Variants in SLCO3A1 observed in about 807,000 individuals in gnomAD.
SLCO3A1 encodes solute carrier organic anion transporter family member 3A1.
In SLCO3A1, 27 loss-of-function variants were observed where a neutral mutation model predicts 63.1. That is an observed-to-expected ratio of 0.43 (90% CI 0.32 to 0.59). The LOEUF is 0.59. Ranked by LOEUF, SLCO3A1 falls within the 20% of genes least tolerant of loss-of-function variation. The pLI is 0.09. For missense variants in SLCO3A1, 773 were observed against 945.8 expected (o/e 0.82, Z 2.40); for synonymous variants, 473 against 409.9 (o/e 1.15, Z -1.86).
At chr15:91,956,999 ATT>A (rs1491351036) in intron 2 of SLCO3A1, among the ~76,000 whole-genome samples, 1 of 27,066 alleles carries the variant, frequency 3.7e-5, no homozygotes, top group Non-Finnish European at 5.7e-5. Context: ...TATAGTATAT[ATT>A]ATATATATAA....
At chr15:91,982,936 C>G (rs1049365683) in intron 2 of SLCO3A1, among the ~76,000 whole-genome samples, 8 of 152,208 alleles carry the variant, frequency 5.3e-5, no homozygotes, top group African/African-American at 1.9e-4. Context: ...TCACCTCCAC[C>G]CCAAACTCCC....
chr15:91,947,367 A>G (rs1597146811), intron 2 of SLCO3A1, among the ~76,000 whole-genome samples: 1 of 152,178 alleles, frequency 6.6e-6, no homozygotes, highest in African/African-American at 2.4e-5. Flanking sequence ...CCTTTCCCGA[A>G]CAAGCTCCCG....
intron 4 of SLCO3A1, among the ~76,000 whole-genome samples, chr15:92,112,026 A>G (rs1203772923): frequency 6.6e-6 from 1 of 152,250 alleles, no homozygotes; most frequent in Non-Finnish European, 1.5e-5. Context: ...AATACAGAGT[A>G]GAAAGTGGAA....
In SLCO3A1 at chr15:92,143,451, A is replaced by AAATATATATAT. The variant is rs1166634958; in HGVS notation, c.1513-3533_1513-3532insAATATATATAT. 3.7e-3 allele frequency among the ~76,000 whole-genome samples: 8 copies of AAATATATATAT among 2,152 alleles called. No individual in the cohort carries two copies. In the African/African-American group the frequency reaches 0.047, roughly 13 times the overall value. 1.4% of individuals were successfully genotyped at this position (2,152 alleles called of 152,430 possible). On this transcript the variant is annotated intron_variant, in intron 7 of 9. Coordinates refer to ENST00000318445, the MANE Select transcript of SLCO3A1 (RefSeq NM_013272.4). ...ATATAATATATATAATATATATATA[A>AAATATATATAT]TATATATAATATATATAAATATATA... is the stretch of plus-strand genomic sequence containing the variant.
intron 1 of SLCO3A1, among the ~76,000 whole-genome samples, chr15:91,871,009 T>C (rs1897267372): frequency 6.6e-6 from 1 of 152,190 alleles, no homozygotes; most frequent in Non-Finnish European, 1.5e-5. Context: ...TTATTTTGAG[T>C]TCTTTGTCTT....
chr15:92,148,505 T>A lies in SLCO3A1; in HGVS notation c.1688+1346T>A, dbSNP rs114869282. ...AGGGTATAATAGCAAATTACCATTTTATACTTACTAAGTTTGAAAAATAAA... is the reference window on the plus strand; with the variant it reads ...AGGGTATAATAGCAAATTACCATTTAATACTTACTAAGTTTGAAAAATAAA... On this transcript the variant is annotated intron_variant, in intron 8 of 9. Transcript: ENST00000318445. Among the ~76,000 whole-genome samples the A allele has an allele frequency of 3.8e-3, 579 of 152,352 alleles. 3 individuals carry two copies. Among genetic ancestry groups the A allele is most frequent in the African/African-American group, 0.013 (539 of 41,576 alleles).
intron 1 of SLCO3A1, among the ~76,000 whole-genome samples, chr15:91,893,882 C>T (rs1897936946): frequency 6.6e-6 from 1 of 152,190 alleles, no homozygotes; most frequent in African/African-American, 2.4e-5. Context: ...TTTCAAAGAA[C>T]TTGTACGCAG....
chr15:92,168,111 C>A (rs1320322688), downstream of SLCO3A1, among the ~76,000 whole-genome samples: 1 of 152,180 alleles, frequency 6.6e-6, no homozygotes, highest in Non-Finnish European at 1.5e-5. Flanking sequence ...CTGGACAGAT[C>A]TGAACACAAA....
At chr15:91,988,894 C>T (rs909029471) in intron 2 of SLCO3A1, among the ~76,000 whole-genome samples, 2 of 152,178 alleles carry the variant, frequency 1.3e-5, no homozygotes, top group Non-Finnish European at 2.9e-5. Flanking sequence ...ACAGTCCAAT[C>T]ATGGCTGCAA....
rs1423026914 is a variant in SLCO3A1, at chr15:91,946,957, A to G, written c.646+30499A>G. Among the ~76,000 whole-genome samples the G allele has an allele frequency of 6.6e-5, 10 of 152,344 alleles. No individual in the cohort carries two copies. The East Asian group carries it at 1.9e-3, about 29-fold the overall frequency. ...AAGAAGTTTATAATCAAATGTGTCCATGAGTCCAAGACAGGATGAGTCAAT... is the reference window on the plus strand; with the variant it reads ...AAGAAGTTTATAATCAAATGTGTCCGTGAGTCCAAGACAGGATGAGTCAAT... On this transcript the variant is annotated intron_variant, in intron 2 of 9. Transcript: ENST00000318445.
At chr15:92,126,379 G>C (rs561741714) in intron 6 of SLCO3A1, 120 bp downstream of exon 6, 33 of 757,546 alleles carry the variant, frequency 4.4e-5, no homozygotes, top group Non-Finnish European at 7.2e-5. Flanking sequence ...CATCACGGCT[G>C]CCTCTGCATC....
intron 2 of SLCO3A1, among the ~76,000 whole-genome samples, chr15:91,957,414 A>T (rs1050837910): frequency 1.3e-5 from 2 of 151,674 alleles, no homozygotes; most frequent in Admixed American, 6.6e-5. Flanking sequence ...GTGAAAGCTC[A>T]TCTTCCTGTG....
intron 7 of SLCO3A1, among the ~76,000 whole-genome samples, chr15:92,145,277 G>T (rs1482376417): frequency 6.6e-6 from 1 of 152,208 alleles, no homozygotes; most frequent in Admixed American, 6.5e-5. Flanking sequence ...GAAAAGTTTG[G>T]CTGTGATGCT....
chr15:91,926,786 C>T (rs1899046785), intron 2 of SLCO3A1, among the ~76,000 whole-genome samples: 1 of 152,036 alleles, frequency 6.6e-6, no homozygotes, highest in African/African-American at 2.4e-5. Context: ...TTGGATGTGC[C>T]TTGCGGGAGT....
At chr15:92,015,829 T>G (rs1475202605) in intron 2 of SLCO3A1, among the ~76,000 whole-genome samples, 1 of 152,054 alleles carries the variant, frequency 6.6e-6, no homozygotes, top group Admixed American at 6.6e-5. Context: ...CCCGAGCTTA[T>G]AGGAACATGG....
At chr15:91,889,375 C>G (rs991776752) in intron 1 of SLCO3A1, among the ~76,000 whole-genome samples, 1 of 152,216 alleles carries the variant, frequency 6.6e-6, no homozygotes, top group Non-Finnish European at 1.5e-5. Context: ...CCCTGGGTCT[C>G]TGGTCCAGAG....
intron 2 of SLCO3A1, among the ~76,000 whole-genome samples, chr15:91,932,845 G>A (rs1899282606): frequency 6.6e-6 from 1 of 152,184 alleles, no homozygotes; most frequent in Non-Finnish European, 1.5e-5. Context: ...TCATTTCTTA[G>A]GGGCACTGAT....
intron 2 of SLCO3A1, among the ~76,000 whole-genome samples, chr15:92,074,696 A>G (rs541481268): frequency 1.3e-5 from 2 of 152,250 alleles, no homozygotes; most frequent in South Asian, 4.1e-4. Context: ...CAGAAAAGCC[A>G]TCTTCCAGGA....
At chr15:92,106,211 A>G (rs1441423136) in intron 4 of SLCO3A1, among the ~76,000 whole-genome samples, 1 of 152,236 alleles carries the variant, frequency 6.6e-6, no homozygotes, top group African/African-American at 2.4e-5. Flanking sequence ...CCCATGTTCC[A>G]TGATGGTTTC....
Sources: allele counts gnomAD v4.1 joint callset (sites outside exome capture counted in the v4.1 genomes callset), GRCh38; gene constraint gnomAD v4.1.1; transcripts MANE v1.5; gene names NCBI Gene and HGNC (gene_info 2026-07-23, HGNC 2026-07-21).